Variants in NDUFS6 observed in about 807,000 individuals in gnomAD.
NDUFS6 encodes the protein NADH:ubiquinone oxidoreductase subunit S6, also known as NADH dehydrogenase [ubiquinone] iron-sulfur protein 6, mitochondrial.
In NDUFS6, 14 loss-of-function variants were observed where a neutral mutation model predicts 13.2. That is an observed-to-expected ratio of 1.06 (90% CI 0.70 to 1.66). NDUFS6 has a LOEUF of 1.66. Ranked by LOEUF, NDUFS6 falls within the 40% of genes most tolerant of loss-of-function variation. The pLI is 0.00. For synonymous variants in NDUFS6, 95 were observed against 72.3 expected (o/e 1.31, Z -1.60); for missense variants, 206 against 170.8 (o/e 1.21, Z -1.15).
intron 2 of NDUFS6, among the ~76,000 whole-genome samples, chr5:1,803,400 T>A (rs1047329710): frequency 5.9e-5 from 9 of 152,004 alleles, no homozygotes; most frequent in African/African-American, 2.2e-4. Flanking sequence ...AGTGGAAGAG[T>A]GTGCCATGAT....
Position 1,814,451 on chromosome 5 carries a change from A to G in NDUFS6, c.299A>G (p.Tyr100Cys). Residue 100 changes from tyrosine (Y) to cysteine (C), a missense_variant, in exon 3 of 4, where the codon TAT (tyrosine) becomes TGT (cysteine). By Grantham distance (194) the Tyr-to-Cys change is radical. Transcript: ENST00000274137. This position sits in a 1 kb window ranked among gnomAD's most constrained non-coding sequence, Gnocchi z 4.9. ...GGGALGHPKV[Y>C]INLDKETKTG... ...GGAGCTCTTGGCCACCCAAAAGTGTATATAAACTTGGTGCGTAGCTGGCCA... is the reference window on the plus strand; with the variant it reads ...GGAGCTCTTGGCCACCCAAAAGTGTGTATAAACTTGGTGCGTAGCTGGCCA... The G allele has an allele frequency of 6.2e-7, 1 of 1,614,146 alleles. No homozygotes were observed. The highest frequency in any genetic ancestry group is 1.3e-5 in the African/African-American group (1 of 75,034).
intron 3 of NDUFS6, 41 bp from the exon 4 acceptor site, chr5:1,815,810 G>C (rs750573008): frequency 1.3e-6 from 2 of 1,587,766 alleles, no homozygotes; most frequent in East Asian, 4.5e-5. Context: ...ATTTGAAGTA[G>C]AATATGGAAA....
chr5:1,812,311 AACAC>A (rs1734230335), intron 2 of NDUFS6, among the ~76,000 whole-genome samples: 3 of 151,948 alleles, frequency 2.0e-5, no homozygotes, highest in African/African-American at 7.2e-5. Context: ...CCTGTCTCTC[AACAC>A]TGTTGCATTG....
chr5:1,803,887 T>C (rs1734085949), intron 2 of NDUFS6, among the ~76,000 whole-genome samples: 2 of 152,184 alleles, frequency 1.3e-5, no homozygotes, highest in South Asian at 4.1e-4. Context: ...GTTGAAAGGA[T>C]TTGCAGGCCC....
At chr5:1,806,903 C>G (rs1043087003) in intron 2 of NDUFS6, among the ~76,000 whole-genome samples, 1 of 152,152 alleles carries the variant, frequency 6.6e-6, no homozygotes, top group Non-Finnish European at 1.5e-5. Flanking sequence ...GTTTGGGGGT[C>G]CATTGTCAGC....
intron 2 of NDUFS6, among the ~76,000 whole-genome samples, chr5:1,811,239 G>A (rs946494479): frequency 6.6e-6 from 1 of 152,172 alleles, no homozygotes; most frequent in African/African-American, 2.4e-5. Flanking sequence ...TTGTGGGGGA[G>A]TCAAAAATAA....
In NDUFS6 at chr5:1,802,394, A is replaced by G; in HGVS notation, c.186+20A>G. Reference sequence around the variant, plus strand: ...AAAGAGGTGAGTAAAAAATCTAGTGAAGAGAGGTAAGCTTTCCTAAAACTT... The same window carrying G: ...AAAGAGGTGAGTAAAAAATCTAGTGGAGAGAGGTAAGCTTTCCTAAAACTT... On this transcript the variant is annotated intron_variant, in intron 2 of 3. Coordinates refer to ENST00000274137, the MANE Select transcript of NDUFS6 (RefSeq NM_004553.6). 6.2e-7 allele frequency: 1 copy of G among 1,605,810 alleles called. No individual in the cohort carries two copies. The highest frequency in any genetic ancestry group is 2.2e-5 in the East Asian group (1 of 44,812).
At chr5:1,804,975 C>G (rs1037395334) in intron 2 of NDUFS6, among the ~76,000 whole-genome samples, 2 of 152,226 alleles carry the variant, frequency 1.3e-5, no homozygotes, top group Non-Finnish European at 2.9e-5. Context: ...ATCCCTCCCT[C>G]TGCCCAACCC....
chr5:1,810,524 T>C (rs1196737114), intron 2 of NDUFS6, among the ~76,000 whole-genome samples: 1 of 152,222 alleles, frequency 6.6e-6, no homozygotes, highest in African/African-American at 2.4e-5. Context: ...CTTTCCAAGT[T>C]CCCAAATTTG....
At chr5:1,813,544 C>G (rs764027999) in intron 2 of NDUFS6, among the ~76,000 whole-genome samples, 1 of 152,216 alleles carries the variant, frequency 6.6e-6, no homozygotes, top group African/African-American at 2.4e-5. Context: ...CACTTACCCA[C>G]TGCCTGGCAT....
Position 1,802,288 on chromosome 5 carries a change from A to G in NDUFS6, c.133-33A>G, listed in dbSNP as rs764296771. 24 of 1,602,340 alleles carry G rather than the reference A, an allele frequency of 1.5e-5. 1 individual carries two copies. Among genetic ancestry groups the G allele is most frequent in the Non-Finnish European group, 1.6e-5 (19 of 1,169,670 alleles). ...AAGTGACTTTCAGAATTAGGCCGTAAAAGTCACACATGGTCTTTTTGTTTT... is the reference window on the plus strand; with the variant it reads ...AAGTGACTTTCAGAATTAGGCCGTAGAAGTCACACATGGTCTTTTTGTTTT... On this transcript the variant is annotated intron_variant, in intron 1 of 3. Coordinates refer to ENST00000274137, the MANE Select transcript of NDUFS6 (RefSeq NM_004553.6).
intron 2 of NDUFS6, among the ~76,000 whole-genome samples, chr5:1,803,789 A>C (rs746529249): frequency 2.0e-5 from 3 of 152,202 alleles, no homozygotes; most frequent in African/African-American, 4.8e-5. Context: ...TGGCATTGCG[A>C]ATGGGACATT....
rs914655647 is a variant in NDUFS6, at chr5:1,802,180, G to T, written c.133-141G>T. On this transcript the variant is annotated intron_variant, in intron 1 of 3. Coordinates refer to ENST00000274137, the MANE Select transcript of NDUFS6 (RefSeq NM_004553.6). Reference sequence around the variant, plus strand: ...CGCTAAAAATGCCCCTGATTACACCGAGTACTGTGCACTTGTTTGACTTTT... The same window carrying T: ...CGCTAAAAATGCCCCTGATTACACCTAGTACTGTGCACTTGTTTGACTTTT... 3 of 752,252 alleles carry T rather than the reference G, an allele frequency of 4.0e-6. No individual in the cohort carries two copies. In the African/African-American group the frequency reaches 5.3e-5, roughly 13 times the overall value. The allele number at this position is 752,252 out of a possible 1,614,324, so 46.6% of individuals were successfully genotyped here.
chr5:1,814,449 G>A lies in NDUFS6; in HGVS notation c.297G>A (p.Val99=). ...GGGGALGHPK[V]YINLDKETKT... ...GGGGAGCTCTTGGCCACCCAAAAGT[G>A]TATATAAACTTGGTGCGTAGCTGGC... The change falls in exon 3 of 4, where the codon GTG becomes GTA. Residue 99 remains valine (V), a synonymous_variant. Coordinates refer to ENST00000274137, the MANE Select transcript of NDUFS6 (RefSeq NM_004553.6). The surrounding 1 kb of genome is among the most constrained non-coding windows in gnomAD (Gnocchi z 4.9). 2 of 1,614,200 alleles carry A rather than the reference G, an allele frequency of 1.2e-6. No individual in the cohort carries two copies. Among genetic ancestry groups the A allele is most frequent in the East Asian group, 2.2e-5 (1 of 44,878 alleles).
At chr5:1,808,053 G>A (rs919126029) in intron 2 of NDUFS6, among the ~76,000 whole-genome samples, 3 of 152,202 alleles carry the variant, frequency 2.0e-5, no homozygotes, top group African/African-American at 4.8e-5. Context: ...AAGGTCCTCC[G>A]TGAGAGGAAG....
chr5:1,814,512 TACTCCCCTTC>T lies in NDUFS6; in HGVS notation c.309+58_309+67del, dbSNP rs1734272838. Reference sequence around the variant, plus strand: ...TGTTAGGGCAGCCTGCTCGTCCTCATACTCCCCTTCACTCCCAGTGCCTGTTCTTTCTGTC... The same window carrying T: ...TGTTAGGGCAGCCTGCTCGTCCTCATACTCCCAGTGCCTGTTCTTTCTGTC... On this transcript the variant is annotated intron_variant, in intron 3 of 3. Coordinates refer to ENST00000274137, the MANE Select transcript of NDUFS6 (RefSeq NM_004553.6). This position sits in a 1 kb window ranked among gnomAD's most constrained non-coding sequence, Gnocchi z 4.9. The T allele has an allele frequency of 1.9e-6, 3 of 1,613,616 alleles. No homozygotes were observed. Among genetic ancestry groups the T allele is most frequent in the South Asian group, 2.2e-5 (2 of 91,058 alleles).
intron 2 of NDUFS6, among the ~76,000 whole-genome samples, chr5:1,806,659 C>T (rs894497566): frequency 6.6e-6 from 1 of 152,134 alleles, no homozygotes; most frequent in Non-Finnish European, 1.5e-5. Context: ...AAACAGAAAA[C>T]AAGCGTGGGT....
chr5:1,808,839 G>A (rs530196600), intron 2 of NDUFS6, among the ~76,000 whole-genome samples: 2 of 152,366 alleles, frequency 1.3e-5, no homozygotes, highest in South Asian at 4.1e-4. Context: ...GTATACACAC[G>A]TTTAGCTTAA....
Position 1,801,548 on chromosome 5 carries a change from A to G in NDUFS6, c.131A>G (p.Gln44Arg). 5 of 1,584,766 alleles carry G rather than the reference A, an allele frequency of 3.2e-6. No homozygotes were observed. Among genetic ancestry groups the G allele is most frequent in the Non-Finnish European group, 4.3e-6 (5 of 1,173,076 alleles). ...PTGEKVTHTG[Q>R]VYDDKDYRRI... ...GGGGAGAAGGTCACGCACACTGGCC[A>G]GGTAACGGCCGCTGGGTACAGGATG... Residue 44 changes from glutamine to arginine, a missense_variant and splice_region_variant, in exon 1 of 4, where the codon CAG becomes CGG. By Grantham distance (43) the Gln-to-Arg change is conservative. Coordinates refer to ENST00000274137, the MANE Select transcript of NDUFS6 (RefSeq NM_004553.6).
Sources: gnomAD v4.1 joint callset for allele counts (sites outside exome capture counted in the v4.1 genomes callset) on GRCh38, gnomAD v4.1.1 for gene constraint, Gnocchi (gnomAD v3.1) non-coding constraint, MANE v1.5 for transcripts, NCBI Gene and HGNC (gene_info 2026-07-23, HGNC 2026-07-21) for gene names.